Variants in PTBP2 observed in about 807,000 individuals in gnomAD.
PTBP2 encodes the protein polypyrimidine tract binding protein 2, also known as polypyrimidine tract-binding protein 2.
In PTBP2, 13 loss-of-function variants were observed where a neutral mutation model predicts 61.4. The ratio of observed to expected loss-of-function variants is 0.21; its 90% CI spans 0.14 to 0.34. The LOEUF (loss-of-function observed/expected upper bound fraction) is 0.34. Ranked by LOEUF, PTBP2 falls within the 10% of genes least tolerant of loss-of-function variation. The pLI is 1.00. For missense variants in PTBP2, 405 were observed against 642.6 expected (o/e 0.63, Z 4.00); for synonymous variants, 215 against 218.5 (o/e 0.98, Z 0.14).
intron 2 of PTBP2, among the ~76,000 whole-genome samples, chr1:96,732,379 A>T (rs1387568395): frequency 6.6e-6 from 1 of 152,208 alleles, no homozygotes; most frequent in African/African-American, 2.4e-5. Flanking sequence ...TTCAATTAAC[A>T]GATATTTTGA....
chr1:96,800,354 C>T (rs1405725193), intron 8 of PTBP2, among the ~76,000 whole-genome samples: 1 of 145,894 alleles, frequency 6.9e-6, no homozygotes, highest in Non-Finnish European at 1.5e-5. Context: ...CTTATTTTTA[C>T]TAAAGTACAA....
At chr1:96,777,032 TG>T (rs1375801242) in intron 5 of PTBP2, among the ~76,000 whole-genome samples, 1 of 152,076 alleles carries the variant, frequency 6.6e-6, no homozygotes, top group African/African-American at 2.4e-5. Flanking sequence ...GAGAATTTTG[TG>T]GTTTTGGACT....
chr1:96,725,588 T>G (rs938749412), intron 2 of PTBP2, among the ~76,000 whole-genome samples: 33 of 151,398 alleles, frequency 2.2e-4, no homozygotes, highest in African/African-American at 7.8e-4. Flanking sequence ...TAGAAGATGA[T>G]AAAAAAAAAT....
chr1:96,732,284 CTT>C (rs1651534144), intron 2 of PTBP2, among the ~76,000 whole-genome samples: 1 of 152,076 alleles, frequency 6.6e-6, no homozygotes, highest in South Asian at 2.1e-4. Context: ...TTATTCAAAA[CTT>C]TGGGTTTTTA....
rs547450638 is a variant in PTBP2, at chr1:96,787,926, GAATTATTGGGTCAAAGAA to G, written c.904+2676_904+2693del. Among the ~76,000 whole-genome samples, 229 of 152,148 alleles carry G rather than the reference GAATTATTGGGTCAAAGAA, an allele frequency of 1.5e-3. 1 individual carries two copies. The highest frequency in any genetic ancestry group is 2.6e-3 in the Non-Finnish European group (176 of 67,974). ...TTCTTAGACTAGATTCCTAGAATTA[GAATTATTGGGTCAAAGAA>G]AATGTTAAAGCCTGTTTACTTTATT... On this transcript the variant is annotated intron_variant, in intron 8 of 13. Transcript: ENST00000674951.
intron 2 of PTBP2, among the ~76,000 whole-genome samples, chr1:96,745,207 C>T (rs569836629): frequency 6.6e-6 from 1 of 151,738 alleles, no homozygotes; most frequent in Non-Finnish European, 1.5e-5. Context: ...CTGATACCCA[C>T]GCTGGAGTGC....
In PTBP2 at chr1:96,757,514, A is replaced by C. The variant is rs535399127; in HGVS notation, c.115+6014A>C. Among the ~76,000 whole-genome samples, 6 of 152,320 alleles carry C rather than the reference A, an allele frequency of 3.9e-5. No homozygotes were observed. In the East Asian group the frequency reaches 1.2e-3, roughly 29 times the overall value. ...TCATAGCCTGGTTTTTTAAAACATA[A>C]TTTATGGCAATTGATAGGATAGTAC... is the stretch of plus-strand genomic sequence containing the variant. On this transcript the variant is annotated intron_variant, in intron 3 of 13. Coordinates refer to ENST00000674951, the MANE Select transcript of PTBP2 (RefSeq NM_021190.4).
At chr1:96,807,788 G>T (rs886234951) in intron 11 of PTBP2, among the ~76,000 whole-genome samples, 1 of 152,180 alleles carries the variant, frequency 6.6e-6, no homozygotes, top group African/African-American at 2.4e-5. Context: ...TTGAATTTTA[G>T]TGTTTCTTGG....
intron 2 of PTBP2, among the ~76,000 whole-genome samples, chr1:96,748,083 C>T (rs948478840): frequency 2.0e-5 from 3 of 152,066 alleles, no homozygotes; most frequent in African/African-American, 7.2e-5. Context: ...ACGTACCTTT[C>T]TTCCTCTCTG....
chr1:96,786,330 C>A (rs1451235508), intron 8 of PTBP2, among the ~76,000 whole-genome samples: 1 of 152,118 alleles, frequency 6.6e-6, no homozygotes, highest in Non-Finnish European at 1.5e-5. Context: ...GCAAACAAAT[C>A]TGACCCTTTA....
intron 7 of PTBP2, among the ~76,000 whole-genome samples, chr1:96,781,583 T>C (rs1360351783): frequency 3.3e-5 from 5 of 152,074 alleles, no homozygotes; most frequent in African/African-American, 1.2e-4. Context: ...CTGCTTCTCT[T>C]TGTCTTTCAA....
chr1:96,804,010 G>C (rs1661274823), intron 8 of PTBP2, among the ~76,000 whole-genome samples: 1 of 152,152 alleles, frequency 6.6e-6, no homozygotes, highest in Admixed American at 6.5e-5. Context: ...AGGGAATTCT[G>C]TCTAGAATAA....
chr1:96,737,240 A>G (rs1240223005), intron 2 of PTBP2, among the ~76,000 whole-genome samples: 1 of 152,168 alleles, frequency 6.6e-6, no homozygotes, highest in Admixed American at 6.5e-5. Flanking sequence ...TGCTGGGATT[A>G]CAGGCGTGAG....
intron 11 of PTBP2, among the ~76,000 whole-genome samples, chr1:96,812,299 A>G (rs2101264691): frequency 6.6e-6 from 1 of 152,336 alleles, no homozygotes; most frequent in East Asian, 1.9e-4. Flanking sequence ...ATAAAAAATA[A>G]TGTCAGCGAG....
intron 2 of PTBP2, among the ~76,000 whole-genome samples, chr1:96,734,903 C>CTTTTTTT (rs369053938): frequency 1.7e-4 from 21 of 124,950 alleles, no homozygotes; most frequent in Admixed American, 2.6e-4. Flanking sequence ...CTTTTTTTTT[C>CTTTTTTT]TTTTTTTTTT....
At chr1:96,806,486 G>T in intron 10 of PTBP2, 34 bp downstream of exon 10, 1 of 1,587,186 alleles carries the variant, frequency 6.3e-7, no homozygotes, top group Non-Finnish European at 8.6e-7. Context: ...TTTTATTATT[G>T]ATTTGATTTT....
intron 2 of PTBP2, among the ~76,000 whole-genome samples, chr1:96,729,508 T>A (rs977429812): frequency 6.6e-6 from 1 of 152,142 alleles, no homozygotes; most frequent in African/African-American, 2.4e-5. Flanking sequence ...ACTCTAAAAT[T>A]TCTTCCTTAA....
exon 14 of PTBP2, chr1:96,822,732 A>G (rs1375669863): frequency 6.6e-6 from 1 of 152,204 alleles, no homozygotes; most frequent in African/African-American, 2.4e-5. Context: ...TTGTTGAATA[A>G]GAGTAAAAGA....
Position 96,721,871 on chromosome 1 carries a change from G to A in PTBP2, c.7G>A (p.Gly3Arg). Residue 3 changes from glycine (G) to arginine (R), a missense_variant and splice_region_variant, in exon 1 of 14, where the codon GGA becomes AGA. Transcript: ENST00000674951. The part of the protein sequence containing the change: MD[G>R]IVTEVAVGVK... ...AGCTTTGTCCGGTTCGGCAATGGAC[G>A]GGTATGTAATCGGGCCGGCGAGAAG... 1.3e-6 allele frequency: 2 copies of A among 1,575,506 alleles called. No homozygotes were observed. The highest frequency in any genetic ancestry group is 1.7e-6 in the Non-Finnish European group (2 of 1,160,516).
Sources: allele counts gnomAD v4.1 joint callset (sites outside exome capture counted in the v4.1 genomes callset), GRCh38; gene constraint gnomAD v4.1.1; transcripts MANE v1.5; gene names NCBI Gene and HGNC (gene_info 2026-07-23, HGNC 2026-07-21).